Variants in SEC14L1 observed in about 807,000 individuals in gnomAD.
SEC14L1 encodes the protein SEC14 like lipid binding 1, also known as SEC14-like protein 1.
Under a neutral mutation model 85.3 loss-of-function variants are expected in SEC14L1, and 48 were observed. The ratio of observed to expected loss-of-function variants is 0.56; its 90% CI spans 0.45 to 0.72. The LOEUF is 0.72. Ranked by LOEUF, SEC14L1 falls within the 30% of genes least tolerant of loss-of-function variation. The pLI is 0.00. For missense variants in SEC14L1, 682 were observed against 921.4 expected (o/e 0.74, Z 3.36); for synonymous variants, 391 against 355.5 (o/e 1.10, Z -1.12).
At chr17:77,200,271 G>C (rs1485606208) in intron 8 of SEC14L1, among the ~76,000 whole-genome samples, 4 of 152,070 alleles carry the variant, frequency 2.6e-5, no homozygotes, top group African/African-American at 9.7e-5. Context: ...CCAGGTTCAA[G>C]TGATCCGCCT....
chr17:77,091,509 A>G (rs181624819), intron 2 of SEC14L1, among the ~76,000 whole-genome samples: 13 of 152,358 alleles, frequency 8.5e-5, no homozygotes, highest in African/African-American at 2.6e-4. Flanking sequence ...GAAATGGCCT[A>G]TCTGACCATT....
upstream of SEC14L1, among the ~76,000 whole-genome samples, chr17:77,139,493 A>G (rs1252320014): frequency 2.3e-3 from 244 of 105,862 alleles, 1 homozygote; most frequent in African/African-American, 8.5e-3. Flanking sequence ...TTGAAGGTGG[A>G]TGTGATTTTT....
intron 3 of SEC14L1, among the ~76,000 whole-genome samples, chr17:77,159,223 C>T (rs1973948666): frequency 5.6e-3 from 1 of 180 alleles, no homozygotes; most frequent in African/African-American, 0.016. Flanking sequence ...GAGCCACCAC[C>T]ACCTGGCTAA....
intron 6 of SEC14L1, 27 bp from the exon 7 acceptor site, chr17:77,194,650 C>A: frequency 1.9e-6 from 3 of 1,549,764 alleles, no homozygotes; most frequent in South Asian, 2.2e-5. Flanking sequence ...AATATATACT[C>A]ACCTTTAAAT....
At position 77,203,653 on chromosome 17, in the gene SEC14L1, A is replaced by AGAT; in HGVS notation, c.1094_1096dup (p.Arg365_Tyr366insTer). ...AGCGCTCGGGGAGGAAGCCCTGCTG[A>AGAT]GATACGTAAGTGCGCGGCTGCGAGA... On this transcript the variant is annotated stop_gained and inframe_insertion, in exon 10 of 17. Transcript: ENST00000436233. LOFTEE classifies it high-confidence loss of function. The AGAT allele has an allele frequency of 6.2e-7, 1 of 1,612,728 alleles. No homozygotes were observed. Among genetic ancestry groups the AGAT allele is most frequent in the Non-Finnish European group, 8.5e-7 (1 of 1,179,502 alleles).
Position 77,194,673 on chromosome 17 carries a change from A to G in SEC14L1, c.475-4A>G, listed in dbSNP as rs887832711. 5 of 1,610,604 alleles carry G rather than the reference A, an allele frequency of 3.1e-6. No homozygotes were observed. The African/African-American group carries it at 4.0e-5, about 13-fold the overall frequency. On this transcript the variant is annotated splice_region_variant and splice_polypyrimidine_tract_variant and intron_variant, in intron 6 of 16. Coordinates refer to ENST00000436233, the MANE Select transcript of SEC14L1 (RefSeq NM_001143998.2). ...CTCACCTTTAAATTGGTTTTGTTTT[A>G]AAGGGAAAGGAAATCATCGAATACT...
chr17:77,109,696 C>A (rs2143355047), intron 3 of SEC14L1, among the ~76,000 whole-genome samples: 1 of 152,260 alleles, frequency 6.6e-6, no homozygotes, highest in African/African-American at 2.4e-5. Context: ...GGTATATTTT[C>A]TCTTTGCTTT....
chr17:77,209,377 T>C lies in SEC14L1; in HGVS notation c.1512T>C (p.Ser504=). ...CAGAGGGTGGACTGGTCCCCAAATCTCTGTACCGGACTGCAGAGGAGCTGG... is the reference window on the plus strand; with the variant it reads ...CAGAGGGTGGACTGGTCCCCAAATCCCTGTACCGGACTGCAGAGGAGCTGG... ...EVPEGGLVPK[S]LYRTAEELEN... Residue 504 remains serine (S), a synonymous_variant, in exon 14 of 17, where the codon TCT becomes TCC. Coordinates refer to ENST00000436233, the MANE Select transcript of SEC14L1 (RefSeq NM_001143998.2). 6.2e-7 allele frequency: 1 copy of C among 1,614,130 alleles called. No individual in the cohort carries two copies. Among genetic ancestry groups the C allele is most frequent in the East Asian group, 2.2e-5 (1 of 44,886 alleles).
chr17:77,104,430 C>CTTTTTT (rs111712879), intron 3 of SEC14L1, among the ~76,000 whole-genome samples: 1 of 135,988 alleles, frequency 7.4e-6, no homozygotes, highest in African/African-American at 2.7e-5. Context: ...CTTGTGTTTA[C>CTTTTTT]TTTTTTTTTT....
At chr17:77,207,025 G>C (rs1233767614) in intron 13 of SEC14L1, among the ~76,000 whole-genome samples, 163 bp downstream of exon 13, 2 of 152,208 alleles carry the variant, frequency 1.3e-5, no homozygotes, top group Non-Finnish European at 2.9e-5. Context: ...TTAAGCTAAA[G>C]AGAACCATTG....
At chr17:77,147,463 G>A (rs954059719) in intron 3 of SEC14L1, among the ~76,000 whole-genome samples, 5 of 152,026 alleles carry the variant, frequency 3.3e-5, no homozygotes, top group African/African-American at 1.2e-4. Context: ...GTAGGCATTT[G>A]CATGGTGTTG....
intron 3 of SEC14L1, among the ~76,000 whole-genome samples, chr17:77,168,559 G>T (rs1213482874): frequency 6.6e-6 from 1 of 152,208 alleles, no homozygotes; most frequent in African/African-American, 2.4e-5. Flanking sequence ...TGAGACTTGT[G>T]ATGGGGTCAT....
intron 3 of SEC14L1, among the ~76,000 whole-genome samples, chr17:77,168,702 T>C (rs1305877108): frequency 6.6e-6 from 1 of 152,206 alleles, no homozygotes; most frequent in African/African-American, 2.4e-5. Flanking sequence ...ACACAGACTT[T>C]GCCTTTTTTT....
At chr17:77,128,460 G>C (rs201468552) in intron 3 of SEC14L1, among the ~76,000 whole-genome samples, 1 of 104,618 alleles carries the variant, frequency 9.6e-6, no homozygotes, top group African/African-American at 3.6e-5. Context: ...ATTTTATTAT[G>C]TTTTTTTTTT....
chr17:77,138,151 G>T (rs1359131477), upstream of SEC14L1, among the ~76,000 whole-genome samples: 1 of 152,124 alleles, frequency 6.6e-6, no homozygotes, highest in African/African-American at 2.4e-5. Context: ...TGTTGATCTG[G>T]GTGGTGCCAG....
intron 2 of SEC14L1, among the ~76,000 whole-genome samples, chr17:77,092,384 C>T (rs1045967473): frequency 6.6e-6 from 1 of 152,062 alleles, no homozygotes; most frequent in Non-Finnish European, 1.5e-5. Context: ...CTGTTGAACC[C>T]TTCAGGGGAT....
rs74672265 is a variant in SEC14L1 at position 77,096,779 on chromosome 17, G to A, written c.-136+3432G>A. On this transcript the variant is annotated intron_variant, in intron 3 of 19. Transcript: ENST00000392476. ...AGCCAAGACTTTCTGTGACCAAAAA[G>A]TTATGTCTGTTGTAACTTGGTACAG... Among the ~76,000 whole-genome samples the A allele has an allele frequency of 2.3e-4, 35 of 152,274 alleles. No individual in the cohort carries two copies. In the East Asian group the frequency reaches 5.6e-3, roughly 24 times the overall value.
rs759925565 is a variant in SEC14L1 at position 77,211,779 on chromosome 17, A to AATGG, written c.1612-166_1612-163dup. On this transcript the variant is annotated intron_variant, in intron 14 of 16. Transcript: ENST00000436233. ...GACATGTAGCAGGATCCAGCGGTTG[A>AATGG]ATGGATGGTGGTGTGTGACTCTGGG... 355 of 813,648 alleles carry AATGG rather than the reference A, an allele frequency of 4.4e-4. 2 individuals carry two copies. The highest frequency in any genetic ancestry group is 2.3e-3 in the Middle Eastern group (6 of 2,658). 50.4% of individuals were successfully genotyped at this position (813,648 alleles called of 1,614,324 possible).
At chr17:77,167,700 G>A (rs1339880849) in intron 3 of SEC14L1, among the ~76,000 whole-genome samples, 2 of 152,150 alleles carry the variant, frequency 1.3e-5, no homozygotes, top group Non-Finnish European at 2.9e-5. Context: ...TCATGACCAG[G>A]AGGAAGTAGA....
Sources: allele counts gnomAD v4.1 joint callset (sites outside exome capture counted in the v4.1 genomes callset), GRCh38; gene constraint gnomAD v4.1.1; transcripts MANE v1.5; gene names NCBI Gene and HGNC (gene_info 2026-07-23, HGNC 2026-07-21).